The following BRAT1 variants were observed in gnomAD, a reference collection of about 807,000 sequenced individuals.
The protein encoded by BRAT1 is BRCA1 associated ATM activator 1, also known as integrator complex assembly factor BRAT1.
A neutral mutation model predicts 70.6 loss-of-function variants in BRAT1; 74 were observed. That is an observed-to-expected ratio of 1.05 (90% CI 0.87 to 1.27). BRAT1 has a LOEUF of 1.27. BRAT1 is among the 50% of genes most tolerant of loss of function. The pLI, the probability that BRAT1 is intolerant of heterozygous loss-of-function variation, is 0.00. For synonymous variants in BRAT1, 615 were observed against 517.1 expected (o/e 1.19, Z -2.57); for missense variants, 1,203 against 1,098.2 (o/e 1.10, Z -1.35).
intron 3 of BRAT1, among the ~76,000 whole-genome samples, chr7:2,545,911 G>A (rs1157431504): frequency 6.6e-6 from 1 of 152,224 alleles, no homozygotes; most frequent in Non-Finnish European, 1.5e-5. Flanking sequence ...TGGGCTGCTA[G>A]GGAGCCTGCA....
chr7:2,541,164 C>G, intron 9 of BRAT1, 112 bp from the exon 10 acceptor site: 2 of 1,413,930 alleles, frequency 1.4e-6, no homozygotes, highest in South Asian at 2.8e-5. Context: ...ACCTCCTGCA[C>G]GGCCCCTGCA....
At position 2,545,031 on chromosome 7, in the gene BRAT1, A is replaced by G; in HGVS notation, c.308T>C (p.Phe103Ser). The G allele has an allele frequency of 6.6e-7, 1 of 1,521,956 alleles. No homozygotes were observed. Among genetic ancestry groups the G allele is most frequent in the Non-Finnish European group, 8.8e-7 (1 of 1,133,594 alleles). 94.3% of individuals were successfully genotyped at this position (1,521,956 alleles called of 1,614,324 possible). A position where few individuals can be genotyped will look rare whatever the true frequency, so the allele number is the denominator to read the frequency against. ...LQQGELLPGLFGEPGPLGRAT... is the reference protein window; with the variant it reads ...LQQGELLPGLSGEPGPLGRAT... ...TCGGCCGAGGGGTCCTGGCTCCCCAAAGAGCCCTGGTAGTAACTCCCCCTG... is the reference window on the plus strand; with the variant it reads ...TCGGCCGAGGGGTCCTGGCTCCCCAGAGAGCCCTGGTAGTAACTCCCCCTG... The change falls in exon 4 of 14, where the codon TTT (phenylalanine) becomes TCT (serine). Residue 103 changes from phenylalanine (F) to serine (S), a missense_variant. Physicochemically the swap from Phe to Ser is radical, Grantham distance 155 (BLOSUM62 -2). Coordinates refer to ENST00000340611, the MANE Select transcript of BRAT1 (RefSeq NM_152743.4).
chr7:2,541,917 C>G (rs1211807403), intron 7 of BRAT1, 81 bp from the exon 8 acceptor site: 11 of 1,467,954 alleles, frequency 7.5e-6, no homozygotes, highest in Non-Finnish European at 1.0e-5. Flanking sequence ...GGTCACCACC[C>G]ACAGCACAGG....
chr7:2,550,414 A>G (rs1406804969), intron 2 of BRAT1, among the ~76,000 whole-genome samples: 2 of 142,944 alleles, frequency 1.4e-5, no homozygotes, highest in East Asian at 2.1e-4. Context: ...GCTGCAGTGA[A>G]CCGAGATCAT....
chr7:2,537,921 G>A lies in BRAT1; in HGVS notation c.*148C>T, dbSNP rs572102177. On this transcript the variant is annotated 3_prime_UTR_variant, in exon 14 of 14. Coordinates refer to ENST00000340611, the MANE Select transcript of BRAT1 (RefSeq NM_152743.4). ...ATTTCTTTAATACATCAAACTGTGG[G>A]ATTTCTTGACCTTGCTTCTCTCCTG... is the stretch of plus-strand genomic sequence containing the variant. 2 of 1,276,126 alleles carry A rather than the reference G, an allele frequency of 1.6e-6. No individual in the cohort carries two copies. Among genetic ancestry groups the A allele is most frequent in the South Asian group, 2.2e-5 (1 of 45,016 alleles). The allele number at this position is 1,276,126 out of a possible 1,614,324, so 79.1% of individuals were successfully genotyped here. A position where few individuals can be genotyped will look rare whatever the true frequency, so the allele number is the denominator to read the frequency against.
At position 2,543,860 on chromosome 7, in the gene BRAT1, C is replaced by A; in HGVS notation, c.533G>T (p.Gly178Val). Residue 178 changes from glycine (G) to valine (V), a missense_variant, in exon 5 of 14, where the codon GGT becomes GTT. Transcript: ENST00000340611. The surrounding 1 kb of genome is among the most constrained non-coding windows in gnomAD (Gnocchi z 5.5). ...LVHVLALSMRGGAEGQPCLPG... is the reference protein window; with the variant it reads ...LVHVLALSMRVGAEGQPCLPG... ...CAGGCAGGGCTGCCCCTCGGCTCCACCTCGCATGGACAAAGCCAGGACGTG... is the reference window on the plus strand; with the variant it reads ...CAGGCAGGGCTGCCCCTCGGCTCCAACTCGCATGGACAAAGCCAGGACGTG... The A allele has an allele frequency of 6.2e-7, 1 of 1,612,836 alleles. No homozygotes were observed.
Position 2,542,105 on chromosome 7 carries a change from T to C in BRAT1, c.1015+15A>G. 1 of 1,516,746 alleles carries C rather than the reference T, an allele frequency of 6.6e-7. No individual in the cohort carries two copies. The highest frequency in any genetic ancestry group is 1.3e-5 in the South Asian group (1 of 78,528). 94.0% of individuals were successfully genotyped at this position (1,516,746 alleles called of 1,614,324 possible). A position where few individuals can be genotyped will look rare whatever the true frequency, so the allele number is the denominator to read the frequency against. On this transcript the variant is annotated intron_variant, in intron 7 of 13. Transcript: ENST00000340611. ...ACCCAGGTTCTGCCCTCCCAGCCCT[T>C]TCTAAGCAGCACACCTGGGGGTCCG...
rs372516307 is a variant in BRAT1 at position 2,543,359 on chromosome 7, C to A, written c.804-36G>T. 1.3e-6 allele frequency: 2 copies of A among 1,549,008 alleles called. No individual in the cohort carries two copies. The highest frequency in any genetic ancestry group is 2.3e-5 in the East Asian group (1 of 42,868). On this transcript the variant is annotated intron_variant, in intron 5 of 13. Transcript: ENST00000340611. The surrounding 1 kb of genome is among the most constrained non-coding windows in gnomAD (Gnocchi z 5.5). ...ACCCCAGAGAGAAAAATTACTCCCC[C>A]ACCCTCAAAACCCCATTCGAGGCCT...
intron 12 of BRAT1, 31 bp downstream of exon 12, chr7:2,539,513 G>C (rs1778975852): frequency 3.9e-6 from 6 of 1,531,136 alleles, no homozygotes; most frequent in Non-Finnish European, 5.3e-6. Context: ...CACAGGCGGG[G>C]AAGGCAGCCC....
intron 2 of BRAT1, among the ~76,000 whole-genome samples, chr7:2,552,093 TATA>T (rs1780058642): frequency 5.4e-5 from 1 of 18,458 alleles, no homozygotes; most frequent in Non-Finnish European, 9.9e-5. Context: ...TATATATATA[TATA>T]TATATATATA....
intron 3 of BRAT1, among the ~76,000 whole-genome samples, chr7:2,545,392 AGGT>A (rs1779531960): frequency 7.4e-6 from 1 of 135,374 alleles, no homozygotes; most frequent in African/African-American, 2.8e-5. Context: ...AAAAAAAAAG[AGGT>A]GAGGGGACCT....
At chr7:2,541,938 G>A in intron 7 of BRAT1, 102 bp from the exon 8 acceptor site, 1 of 1,347,240 alleles carries the variant, frequency 7.4e-7, no homozygotes, top group South Asian at 1.3e-5. Flanking sequence ...CCAGGACCTA[G>A]GTGCAGAGCA....
rs1779219208 is a variant in BRAT1 at position 2,542,115 on chromosome 7, C to T, written c.1015+5G>A. Reference sequence around the variant, plus strand: ...TGCCCTCCCAGCCCTTTCTAAGCAGCACACCTGGGGGTCCGGGGGCCTGAA... The same window carrying T: ...TGCCCTCCCAGCCCTTTCTAAGCAGTACACCTGGGGGTCCGGGGGCCTGAA... On this transcript the variant is annotated splice_donor_5th_base_variant and intron_variant, in intron 7 of 13. Transcript: ENST00000340611. 2 of 1,532,820 alleles carry T rather than the reference C, an allele frequency of 1.3e-6. No homozygotes were observed. The highest frequency in any genetic ancestry group is 2.5e-5 in the South Asian group (2 of 80,838). The allele number at this position is 1,532,820 out of a possible 1,614,324, so 95.0% of individuals were successfully genotyped here. A position where few individuals can be genotyped will look rare whatever the true frequency, so the allele number is the denominator to read the frequency against.
chr7:2,540,567 T>A (rs1779065477), intron 10 of BRAT1: 1 of 176,384 alleles, frequency 5.7e-6, no homozygotes, highest in Admixed American at 6.3e-5. Flanking sequence ...TTGTCTGCTG[T>A]CTGCTCAGCG....
At chr7:2,539,975 C>A in intron 10 of BRAT1, 87 bp from the exon 11 acceptor site, 1 of 975,836 alleles carries the variant, frequency 1.0e-6, no homozygotes, top group South Asian at 1.7e-5. Flanking sequence ...CTGTGCTGCC[C>A]GTACTCCAGG....
At chr7:2,549,835 C>G (rs1255260059) in intron 2 of BRAT1, among the ~76,000 whole-genome samples, 1 of 152,130 alleles carries the variant, frequency 6.6e-6, no homozygotes, top group Admixed American at 6.6e-5. Flanking sequence ...AAATAGCAAA[C>G]AAAATGGGCT....
rs192019759 is a variant in BRAT1, at chr7:2,550,884, C to G, written c.128-3406G>C. On this transcript the variant is annotated intron_variant, in intron 2 of 13. Transcript: ENST00000340611. Reference sequence around the variant, plus strand: ...TCCATTTCTCATGTCAGACGGGTCACGTACCGACATCATACCAGGGTTCCA... The same window carrying G: ...TCCATTTCTCATGTCAGACGGGTCAGGTACCGACATCATACCAGGGTTCCA... 1.8e-3 allele frequency among the ~76,000 whole-genome samples: 271 copies of G among 152,202 alleles called. 1 individual carries two copies. The highest frequency in any genetic ancestry group is 2.9e-3 in the Non-Finnish European group (199 of 68,014).
Position 2,538,750 on chromosome 7 carries a change from C to G in BRAT1, c.1785G>C (p.Glu595Asp). 6.3e-7 allele frequency: 1 copy of G among 1,598,400 alleles called. No individual in the cohort carries two copies. Among genetic ancestry groups the G allele is most frequent in the Non-Finnish European group, 8.5e-7 (1 of 1,179,876 alleles). ...HAEARQSLFL[E>D]LLHILSVDSE... ...AGTCTACGGAGAGGATGTGCAGGAG[C>G]TCCAGGAACAGGCTCTGGGGGACAG... The change falls in exon 14 of 14, where the codon GAG becomes GAC. Residue 595 changes from glutamate to aspartate, a missense_variant. Glu to Asp is a conservative substitution (Grantham distance 45, BLOSUM62 2). Transcript: ENST00000340611.
intron 2 of BRAT1, among the ~76,000 whole-genome samples, chr7:2,552,639 GC>G (rs1562594544): frequency 6.6e-6 from 1 of 151,662 alleles, no homozygotes; most frequent in African/African-American, 2.4e-5. Context: ...GTAAAGAATA[GC>G]AGAAATTAAC....
Sources: allele counts gnomAD v4.1 joint callset (sites outside exome capture counted in the v4.1 genomes callset), GRCh38; gene constraint gnomAD v4.1.1; non-coding constraint Gnocchi (gnomAD v3.1); transcripts MANE v1.5; gene names NCBI Gene and HGNC (gene_info 2026-07-23, HGNC 2026-07-21).